The following FKBP1B variants were observed in gnomAD, a reference collection of about 807,000 sequenced individuals.
FKBP1B encodes peptidyl-prolyl cis-trans isomerase FKBP1B.
FKBP1B carries 4 observed loss-of-function variants against 13.5 expected under a neutral mutation model. The ratio of observed to expected loss-of-function variants is 0.30; its 90% confidence interval spans 0.15 to 0.68. The LOEUF (loss-of-function observed/expected upper bound fraction) is 0.68, where lower values mean the gene tolerates loss of function less well. FKBP1B is among the 30% of genes least tolerant of loss of function. The pLI, the probability that FKBP1B is intolerant of heterozygous loss-of-function variation, is 0.76. For missense variants in FKBP1B, 93 were observed against 136.2 expected, an observed-to-expected ratio of 0.68 and a Z score of 1.58; for synonymous variants, 54 against 53.6, an observed-to-expected ratio of 1.01 and a Z score of -0.03.
the FKBP1B span, chr2:24,037,590 C>T: frequency 1.5e-6 from 2 of 1,354,998 alleles, no homozygotes; most frequent in Non-Finnish European, 1.0e-6. Flanking sequence ...GTTAGAGCAC[C>T]ATCTTCCTCA....
intron 3 of FKBP1B, 35 bp from the exon 4 acceptor site, chr2:24,063,029 T>C (rs1181664554): frequency 6.2e-7 from 1 of 1,614,206 alleles, no homozygotes; most frequent in East Asian, 2.2e-5. Context: ...CTGGGTCCTC[T>C]TTCTCCTCTC....
intron 3 of FKBP1B, among the ~76,000 whole-genome samples, chr2:24,061,610 G>T (rs1664398378): frequency 6.6e-6 from 1 of 152,176 alleles, no homozygotes; most frequent in Non-Finnish European, 1.5e-5. Context: ...AAATAGTACA[G>T]AGTTCTTCTA....
At chr2:24,054,308 C>T (rs1664022825) in intron 2 of FKBP1B, 1 of 421,858 alleles carries the variant, frequency 2.4e-6, no homozygotes, top group Admixed American at 3.8e-5. Flanking sequence ...CAGACTTTCT[C>T]TCCATCCTGC....
chr2:24,061,035 C>T (rs749592654), intron 3 of FKBP1B, 109 bp downstream of exon 3: 1 of 794,738 alleles, frequency 1.3e-6, no homozygotes. Context: ...ACTGCTTTGA[C>T]TCTACAGCCA....
At chr2:24,054,918 A>G (rs963096826) in intron 2 of FKBP1B, among the ~76,000 whole-genome samples, 2 of 152,214 alleles carry the variant, frequency 1.3e-5, no homozygotes, top group African/African-American at 2.4e-5. Context: ...CAATACATAC[A>G]TAGGGCAGCA....
upstream of FKBP1B, among the ~76,000 whole-genome samples, chr2:24,047,663 C>T (rs1663672358): frequency 6.6e-6 from 1 of 152,224 alleles, no homozygotes; most frequent in Admixed American, 6.5e-5. Context: ...AGCTCTTTCC[C>T]CACTTCTCGT....
chr2:24,053,360 C>T (rs891954908), intron 1 of FKBP1B, among the ~76,000 whole-genome samples: 1 of 147,326 alleles, frequency 6.8e-6, no homozygotes, highest in African/African-American at 2.5e-5. Context: ...AACTCCTGAG[C>T]TCAAGTGATC....
intron 3 of FKBP1B, among the ~76,000 whole-genome samples, chr2:24,061,764 C>G (rs1664403856): frequency 6.6e-6 from 1 of 152,216 alleles, no homozygotes; most frequent in South Asian, 2.1e-4. Flanking sequence ...AATTGTCCCA[C>G]TAATGCTGAG....
the FKBP1B span, among the ~76,000 whole-genome samples, chr2:24,040,707 T>C: frequency 6.6e-6 from 1 of 152,316 alleles, no homozygotes; most frequent in South Asian, 2.1e-4. Context: ...CCCCAGGCAT[T>C]TGAATCACTA....
chr2:24,044,078 T>C, the FKBP1B span, among the ~76,000 whole-genome samples: 1 of 152,214 alleles, frequency 6.6e-6, no homozygotes, highest in Non-Finnish European at 1.5e-5. Context: ...AAAAGAATTT[T>C]ATTGATAAAT....
intron 2 of FKBP1B, among the ~76,000 whole-genome samples, chr2:24,059,460 A>G (rs1664287867): frequency 6.6e-6 from 1 of 151,984 alleles, no homozygotes; most frequent in Non-Finnish European, 1.5e-5. Flanking sequence ...ACTGTTCCCT[A>G]CAGTAGGGGA....
intron 2 of FKBP1B, among the ~76,000 whole-genome samples, chr2:24,057,924 C>A (rs994026370): frequency 2.0e-5 from 3 of 151,286 alleles, no homozygotes; most frequent in African/African-American, 7.3e-5. Flanking sequence ...AGGCCAGGTG[C>A]GGTGGCTCCT....
chr2:24,040,930 C>T, the FKBP1B span, among the ~76,000 whole-genome samples: 10 of 152,228 alleles, frequency 6.6e-5, no homozygotes, highest in African/African-American at 2.4e-4. Context: ...GCAGGAGAAT[C>T]GTTTGAACTG....
In FKBP1B at chr2:24,063,116, G is replaced by T. The variant is rs1422902111; in HGVS notation, c.251G>T (p.Gly84Val). Residue 84 changes from glycine to valine, a missense_variant, in exon 4 of 4, where the codon GGA becomes GTA. Coordinates refer to ENST00000380986, the MANE Select transcript of FKBP1B (RefSeq NM_004116.5). ...ACCTGCACCCCTGATGTGGCATATG[G>T]AGCCACGGGCCACCCCGGTGTCATC... ...KLTCTPDVAY[G>V]ATGHPGVIPP... is the part of the protein sequence containing the mutation. The T allele has an allele frequency of 6.2e-7, 1 of 1,613,968 alleles. No homozygotes were observed. The highest frequency in any genetic ancestry group is 1.1e-5 in the South Asian group (1 of 91,042).
At chr2:24,038,946 A>G in the FKBP1B span, 7 of 1,614,032 alleles carry the variant, frequency 4.3e-6, no homozygotes, top group Admixed American at 1.2e-4. Flanking sequence ...CGCTGTCCCA[A>G]ATATAAGAAT....
In FKBP1B at chr2:24,049,776, G is replaced by C. The variant is rs1272470572; in HGVS notation, c.-74G>C. 8.2e-7 allele frequency: 1 copy of C among 1,214,510 alleles called. No individual in the cohort carries two copies. The allele number at this position is 1,214,510 out of a possible 1,614,324, so 75.2% of individuals were successfully genotyped here. ...CGAGGAGGCGAGCCGGAGCGACGGC[G>C]GGGCTGGGGCCGGAGCCGAGCCGGG... On this transcript the variant is annotated 5_prime_UTR_variant, in exon 1 of 4. Transcript: ENST00000380986.
chr2:24,049,714 G>C, upstream of FKBP1B: 1 of 636,934 alleles, frequency 1.6e-6, no homozygotes. Flanking sequence ...CGCAGGTCCC[G>C]ACTCCAGCCG....
the FKBP1B span, chr2:24,038,963 T>G: frequency 1.2e-6 from 2 of 1,614,216 alleles, no homozygotes; most frequent in Non-Finnish European, 1.7e-6. Flanking sequence ...GAATGCAGGC[T>G]GCTGCCTACT....
At chr2:24,048,297 C>T (rs972148801), upstream of FKBP1B, among the ~76,000 whole-genome samples, 3 of 152,056 alleles carry the variant, frequency 2.0e-5, no homozygotes, top group South Asian at 6.2e-4. Flanking sequence ...TGGTGAAACC[C>T]TGTCTCTACT....
Sources: gnomAD v4.1 joint callset for allele counts (sites outside exome capture counted in the v4.1 genomes callset) on GRCh38, gnomAD v4.1.1 for gene constraint, MANE v1.5 for transcripts, NCBI Gene and HGNC (gene_info 2026-07-23, HGNC 2026-07-21) for gene names.